CTIF: variants seen among roughly 807,000 people sequenced by gnomAD.
CTIF encodes the protein cap binding complex dependent translation initiation factor, also known as CBP80/20-dependent translation initiation factor.
In CTIF, 21 loss-of-function variants were observed where a neutral mutation model predicts 66.0. The observed-to-expected ratio is 0.32, with a 90% CI of 0.23 to 0.46. CTIF has a LOEUF of 0.46. Among genes scored for constraint, CTIF ranks in the 20% least tolerant of loss-of-function variants. The probability of loss-of-function intolerance (pLI) is 1.00; values close to 1 mark genes in which losing one functional copy is unlikely to be tolerated. For missense variants in CTIF, 739 were observed against 812.7 expected (o/e 0.91, Z 1.10); for synonymous variants, 345 against 326.4 (o/e 1.06, Z -0.62).
intron 6 of CTIF, among the ~76,000 whole-genome samples, chr18:48,705,990 T>A (rs571674192): frequency 6.6e-6 from 1 of 152,312 alleles, no homozygotes; most frequent in South Asian, 2.1e-4. Context: ...TCTCCTGATA[T>A]TCTCCATCAG....
chr18:48,608,614 G>T (rs902413489), intron 1 of CTIF, among the ~76,000 whole-genome samples: 2 of 152,216 alleles, frequency 1.3e-5, no homozygotes, highest in African/African-American at 4.8e-5. Flanking sequence ...TTGAGGATGA[G>T]TAGAGAGAAA....
intron 3 of CTIF, among the ~76,000 whole-genome samples, chr18:48,637,849 G>C (rs997815335): frequency 5.3e-5 from 8 of 152,060 alleles, no homozygotes; most frequent in Non-Finnish European, 1.0e-4. Flanking sequence ...TTGTTCTGCC[G>C]CAAACTTGGT....
At chr18:48,829,994 G>A (rs1368020382) in intron 10 of CTIF, among the ~76,000 whole-genome samples, 1 of 152,210 alleles carries the variant, frequency 6.6e-6, no homozygotes, top group Non-Finnish European at 1.5e-5. Flanking sequence ...TGAACTGTAG[G>A]TCAGAGTGTG....
intron 2 of CTIF, among the ~76,000 whole-genome samples, chr18:48,632,462 G>T (rs1002370614): frequency 2.6e-5 from 4 of 152,160 alleles, no homozygotes. Context: ...TTTGCCTGCT[G>T]CTCATCTGTT....
At chr18:48,845,975 G>T (rs2069062528) in intron 10 of CTIF, among the ~76,000 whole-genome samples, 1 of 152,134 alleles carries the variant, frequency 6.6e-6, no homozygotes, top group Non-Finnish European at 1.5e-5. Flanking sequence ...CCTGCCTCCA[G>T]TCCAAACACC....
At chr18:48,593,548 A>AT (rs1274090647) in intron 1 of CTIF, among the ~76,000 whole-genome samples, 1 of 151,128 alleles carries the variant, frequency 6.6e-6, no homozygotes. Context: ...TGCCCGGCTA[A>AT]TTTTTTTGTA....
chr18:48,546,947 A>T (rs1308573680), intron 1 of CTIF, among the ~76,000 whole-genome samples: 3 of 152,288 alleles, frequency 2.0e-5, no homozygotes, highest in East Asian at 3.9e-4. Context: ...CCCTCAAGAG[A>T]GAAATTAGCA....
At chr18:48,855,099 C>T (rs907559719) in intron 10 of CTIF, among the ~76,000 whole-genome samples, 1 of 152,220 alleles carries the variant, frequency 6.6e-6, no homozygotes, top group Non-Finnish European at 1.5e-5. Context: ...CGCAGGCGCT[C>T]GGCAGGTACT....
At chr18:48,540,367 A>C (rs913163397) in intron 1 of CTIF, 2 of 5,464 alleles carry the variant, frequency 3.7e-4, no homozygotes, top group African/African-American at 7.4e-4. Context: ...GTCATGGGGG[A>C]GGGCGGGCGG....
intron 7 of CTIF, among the ~76,000 whole-genome samples, chr18:48,715,211 G>C: frequency 6.6e-6 from 1 of 152,112 alleles, no homozygotes; most frequent in East Asian, 1.9e-4. Context: ...TGATGCCATG[G>C]GCTGCGTCTA....
rs767362880 is a variant in CTIF at position 48,862,998 on chromosome 18, C to T, written c.*3439C>T. ...AAGAAAGAAAGACAACTTTCCTCTG[C>T]GCGGAACACTCACACGGAAGGGCTG... On this transcript the variant is annotated 3_prime_UTR_variant, in exon 12 of 12. Coordinates refer to ENST00000256413, the MANE Select transcript of CTIF (RefSeq NM_014772.3). 19 of 152,302 alleles carry T rather than the reference C, an allele frequency of 1.2e-4. No homozygotes were observed. The highest frequency in any genetic ancestry group is 1.9e-4 in the Non-Finnish European group (13 of 68,108). The allele number at this position is 152,302 out of a possible 1,614,324, so 9.4% of individuals were successfully genotyped here.
chr18:48,621,710 G>T, intron 2 of CTIF: 1 of 264,894 alleles, frequency 3.8e-6, no homozygotes, highest in South Asian at 3.2e-5. Flanking sequence ...GAGCGGTGAA[G>T]GCAGAAGCCT....
intron 3 of CTIF, among the ~76,000 whole-genome samples, chr18:48,647,764 G>T (rs1460820274): frequency 7.0e-6 from 1 of 143,852 alleles, no homozygotes; most frequent in Non-Finnish European, 1.5e-5. Flanking sequence ...TCCCCCACCC[G>T]CCCACCTCAT....
At chr18:48,853,128 A>G (rs144537079) in intron 10 of CTIF, among the ~76,000 whole-genome samples, 29 of 152,292 alleles carry the variant, frequency 1.9e-4, no homozygotes, top group African/African-American at 6.3e-4. Flanking sequence ...TTTCTGAGCA[A>G]ATATTTTCCA....
At chr18:48,594,333 C>T (rs1430729345) in intron 1 of CTIF, among the ~76,000 whole-genome samples, 1 of 150,720 alleles carries the variant, frequency 6.6e-6, no homozygotes, top group African/African-American at 2.4e-5. Context: ...ACCCCCACCC[C>T]ACCCCGCCCC....
chr18:48,828,355 C>T (rs2068624374), intron 10 of CTIF, among the ~76,000 whole-genome samples: 2 of 152,174 alleles, frequency 1.3e-5, no homozygotes, highest in African/African-American at 4.8e-5. Context: ...ATTCAGAATG[C>T]ATGTGCTCAC....
At chr18:48,547,677 C>T (rs1028036900) in intron 1 of CTIF, among the ~76,000 whole-genome samples, 2 of 152,194 alleles carry the variant, frequency 1.3e-5, no homozygotes, top group African/African-American at 2.4e-5. Context: ...GTTTCTAGAC[C>T]TTTCACCATC....
chr18:48,829,975 C>T (rs774655984), intron 10 of CTIF, among the ~76,000 whole-genome samples: 3 of 152,182 alleles, frequency 2.0e-5, no homozygotes, highest in South Asian at 2.1e-4. Flanking sequence ...CTCTCATTGC[C>T]GCCAGCACTG....
chr18:48,666,953 G>T (rs1460645924), intron 5 of CTIF, among the ~76,000 whole-genome samples: 1 of 152,168 alleles, frequency 6.6e-6, no homozygotes, highest in Non-Finnish European at 1.5e-5. Context: ...GTGTCCTGTT[G>T]CAACAGTGTA....
Sources: gnomAD v4.1 joint callset for allele counts (sites outside exome capture counted in the v4.1 genomes callset) on GRCh38, gnomAD v4.1.1 for gene constraint, MANE v1.5 for transcripts, NCBI Gene and HGNC (gene_info 2026-07-23, HGNC 2026-07-21) for gene names.